LARS2: variants seen among roughly 807,000 people sequenced by gnomAD.
The protein encoded by LARS2 is leucyl-tRNA synthetase 2, mitochondrial.
LARS2 carries 81 observed loss-of-function variants against 116.6 expected under a neutral mutation model. That is an observed-to-expected ratio of 0.69 (90% CI 0.58 to 0.84). The LOEUF (loss-of-function observed/expected upper bound fraction) is 0.84. Among genes scored for constraint, LARS2 ranks in the 40% least tolerant of loss-of-function variants. The pLI is 0.00. For synonymous variants in LARS2, 396 were observed against 407.2 expected, an observed-to-expected ratio of 0.97 and a Z score of 0.33; for missense variants, 968 against 1,114.5, an observed-to-expected ratio of 0.87 and a Z score of 1.87.
At chr3:45,390,929 C>A (rs1371810785) in intron 1 of LARS2, among the ~76,000 whole-genome samples, 1 of 152,058 alleles carries the variant, frequency 6.6e-6, no homozygotes, top group Non-Finnish European at 1.5e-5. Context: ...CGTGAGCCAC[C>A]GCACCTGGCC....
At chr3:45,490,504 T>C (rs555432928) in intron 12 of LARS2, among the ~76,000 whole-genome samples, 4 of 152,204 alleles carry the variant, frequency 2.6e-5, no homozygotes, top group Non-Finnish European at 5.9e-5. Context: ...GGAAAGACAG[T>C]GGTGTTAGGA....
At chr3:45,543,247 T>C (rs1700823281) in intron 21 of LARS2, among the ~76,000 whole-genome samples, 1 of 152,126 alleles carries the variant, frequency 6.6e-6, no homozygotes, top group Admixed American at 6.5e-5. Context: ...ATTTCTTTTC[T>C]TTCTTTATTG....
chr3:45,439,945 G>A (rs1186980882), intron 6 of LARS2, among the ~76,000 whole-genome samples: 1 of 152,138 alleles, frequency 6.6e-6, no homozygotes, highest in Non-Finnish European at 1.5e-5. Context: ...TTCAACACTG[G>A]CCCCACATTA....
At chr3:45,531,556 TTTC>T (rs1292461094) in intron 20 of LARS2, among the ~76,000 whole-genome samples, 2 of 151,820 alleles carry the variant, frequency 1.3e-5, no homozygotes, top group Admixed American at 1.3e-4. Context: ...TTTTGTATTT[TTTC>T]TTTTTATAGA....
intron 15 of LARS2, among the ~76,000 whole-genome samples, chr3:45,503,931 G>A (rs910560783): frequency 2.0e-5 from 3 of 151,832 alleles, no homozygotes; most frequent in Non-Finnish European, 2.9e-5. Context: ...TTTTATTTCT[G>A]CCAGGAAAAT....
intron 6 of LARS2, among the ~76,000 whole-genome samples, chr3:45,436,877 A>G (rs1354451059): frequency 3.3e-5 from 5 of 152,224 alleles, no homozygotes; most frequent in East Asian, 1.9e-4. Flanking sequence ...GCAAAGAGCA[A>G]TTTCCAAGAA....
At chr3:45,496,407 G>T in intron 14 of LARS2, 34 bp downstream of exon 14, 1 of 1,486,724 alleles carries the variant, frequency 6.7e-7, no homozygotes, top group Non-Finnish European at 9.4e-7. Context: ...TTGAGCATTT[G>T]TCAGTGTGGC....
chr3:45,464,688 C>T (rs1288302188), intron 8 of LARS2, among the ~76,000 whole-genome samples: 3 of 152,162 alleles, frequency 2.0e-5, no homozygotes, highest in Non-Finnish European at 2.9e-5. Flanking sequence ...CTTCCTCCTC[C>T]TGTGTGTGCA....
chr3:45,474,999 G>A (rs538090612), intron 9 of LARS2, among the ~76,000 whole-genome samples: 1 of 152,228 alleles, frequency 6.6e-6, no homozygotes, highest in Non-Finnish European at 1.5e-5. Flanking sequence ...TTCTAGAAGG[G>A]GTCCCTAAAA....
At chr3:45,492,291 G>A (rs1350289087) in intron 13 of LARS2, among the ~76,000 whole-genome samples, 1 of 152,174 alleles carries the variant, frequency 6.6e-6, no homozygotes, top group Non-Finnish European at 1.5e-5. Flanking sequence ...ATATGCTGAA[G>A]CACCATGGTT....
Position 45,446,991 on chromosome 3 carries a change from A to G in LARS2, c.606+11A>G, listed in dbSNP as rs760958358. 2.0e-6 allele frequency: 3 copies of G among 1,486,090 alleles called. No homozygotes were observed. The highest frequency in any genetic ancestry group is 4.5e-5 in the East Asian group (2 of 44,134). 92.1% of individuals were successfully genotyped at this position (1,486,090 alleles called of 1,614,324 possible). A position where few individuals can be genotyped will look rare whatever the true frequency, so the allele number is the denominator to read the frequency against. On this transcript the variant is annotated intron_variant, in intron 7 of 21. Coordinates refer to ENST00000645846, the MANE Select transcript of LARS2 (RefSeq NM_015340.4). ...GCCTATCAAAAGGAGGTAAGTTAAA[A>G]TTAGCTGGACTTTTAAAATTCAGTG...
chr3:45,540,219 A>G (rs1042369987), intron 20 of LARS2, among the ~76,000 whole-genome samples: 3 of 152,190 alleles, frequency 2.0e-5, no homozygotes, highest in Non-Finnish European at 4.4e-5. Flanking sequence ...AGATCGCGCC[A>G]CTGCACTCCA....
chr3:45,408,658 G>A (rs927208810), intron 4 of LARS2, among the ~76,000 whole-genome samples: 2 of 152,014 alleles, frequency 1.3e-5, no homozygotes, highest in Non-Finnish European at 2.9e-5. Context: ...GTTCCATCTG[G>A]GCAGTCCAGC....
chr3:45,468,964 C>T (rs1300155415), intron 8 of LARS2, among the ~76,000 whole-genome samples: 1 of 152,144 alleles, frequency 6.6e-6, no homozygotes, highest in African/African-American at 2.4e-5. Context: ...TTGGTTTGTC[C>T]CTCTCTTTCC....
chr3:45,524,968 T>C (rs1700512293), intron 20 of LARS2, among the ~76,000 whole-genome samples: 1 of 152,184 alleles, frequency 6.6e-6, no homozygotes, highest in Admixed American at 6.5e-5. Context: ...AGGTGGAAAT[T>C]ACAGTAGGAT....
chr3:45,515,375 A>C (rs909917031), intron 16 of LARS2, among the ~76,000 whole-genome samples: 1 of 152,226 alleles, frequency 6.6e-6, no homozygotes, highest in Non-Finnish European at 1.5e-5. Flanking sequence ...GCTCAGCAAC[A>C]TGGAAACTGA....
intron 3 of LARS2, among the ~76,000 whole-genome samples, chr3:45,399,684 G>A (rs932147035): frequency 2.0e-5 from 3 of 151,616 alleles, no homozygotes; most frequent in African/African-American, 7.3e-5. Context: ...GTGGTATTTG[G>A]TTACATGAGT....
chr3:45,524,762 G>T (rs1181279168), intron 20 of LARS2, among the ~76,000 whole-genome samples: 1 of 152,174 alleles, frequency 6.6e-6, no homozygotes, highest in Non-Finnish European at 1.5e-5. Flanking sequence ...TGACTTGGCA[G>T]TTTCGTTGAC....
chr3:45,486,101 T>A (rs909948913), intron 11 of LARS2, among the ~76,000 whole-genome samples: 1 of 151,900 alleles, frequency 6.6e-6, no homozygotes, highest in African/African-American at 2.4e-5. Context: ...GCAACTCAGA[T>A]GAAAATCCAA....
Sources: gnomAD v4.1 joint callset for allele counts (sites outside exome capture counted in the v4.1 genomes callset) on GRCh38, gnomAD v4.1.1 for gene constraint, MANE v1.5 for transcripts, NCBI Gene and HGNC (gene_info 2026-07-23, HGNC 2026-07-21) for gene names.